The following GAMT variants were observed in gnomAD, a reference collection of about 807,000 sequenced individuals.
The protein encoded by GAMT is guanidinoacetate N-methyltransferase.
Under a neutral mutation model 26.9 loss-of-function variants are expected in GAMT, and 26 were observed. The ratio of observed to expected loss-of-function variants is 0.97; its 90% CI spans 0.71 to 1.34. GAMT has a LOEUF of 1.34. Ranked by LOEUF, GAMT falls within the 40% of genes most tolerant of loss-of-function variation. The pLI is 0.00. For synonymous variants in GAMT, 169 were observed against 149.6 expected (o/e 1.13, Z -0.95); for missense variants, 412 against 345.0 (o/e 1.19, Z -1.54).
At chr19:1,398,543 C>T in intron 5 of GAMT, 1 of 610,606 alleles carries the variant, frequency 1.6e-6, no homozygotes, top group Admixed American at 3.0e-5. Flanking sequence ...CCAAGCAATC[C>T]TCCTACCTCA....
rs2144641138 is a variant in GAMT at position 1,401,362 on chromosome 19, T to G, written c.115A>C (p.Lys39Gln). 2 of 1,525,954 alleles carry G rather than the reference T, an allele frequency of 1.3e-6. No homozygotes were observed. Among genetic ancestry groups the G allele is most frequent in the Non-Finnish European group, 1.7e-6 (2 of 1,145,510 alleles). 94.5% of individuals were successfully genotyped at this position (1,525,954 alleles called of 1,614,324 possible). A position where few individuals can be genotyped will look rare whatever the true frequency, so the allele number is the denominator to read the frequency against. Residue 39 changes from lysine (K) to glutamine (Q), a missense_variant, in exon 1 of 6, where the codon AAG (lysine) becomes CAG (glutamine). Transcript: ENST00000252288. Reference protein sequence around the residue: ...AADTHLRILGKPVMERWETPY... With the variant: ...AADTHLRILGQPVMERWETPY... Reference sequence around the variant, plus strand: ...GTCTCCCAGCGCTCCATCACCGGCTTGCCCAGGATGCGCAGGTGCGTGTCC... The same window carrying G: ...GTCTCCCAGCGCTCCATCACCGGCTGGCCCAGGATGCGCAGGTGCGTGTCC...
At chr19:1,398,866 C>G in intron 5 of GAMT, 50 bp downstream of exon 5, 2 of 1,607,204 alleles carry the variant, frequency 1.2e-6, no homozygotes, top group South Asian at 1.1e-5. Flanking sequence ...TTCCCACCCC[C>G]ATCCAAGGTC....
chr19:1,399,910 G>A lies in GAMT; in HGVS notation c.210C>T (p.Gly70=). The part of the protein sequence containing the change: ...KGGRVLEVGF[G]MAIAASKVQE... ...GCACCTTTGACGCTGCGATGGCCAT[G>A]CCAAAGCCCACCTCCAGGACCCGGC... Residue 70 remains glycine, a synonymous_variant, in exon 2 of 6, where the codon GGC becomes GGT. Transcript: ENST00000252288. The surrounding 1 kb of genome is among the most constrained non-coding windows in gnomAD (Gnocchi z 6.2). 1 of 1,608,624 alleles carries A rather than the reference G, an allele frequency of 6.2e-7. No individual in the cohort carries two copies. The highest frequency in any genetic ancestry group is 8.5e-7 in the Non-Finnish European group (1 of 1,178,372).
chr19:1,397,485 G>A lies in GAMT; in HGVS notation c.585C>T (p.Pro195=), dbSNP rs371024035. The A allele has an allele frequency of 1.2e-5, 19 of 1,605,126 alleles. No homozygotes were observed. The highest frequency in any genetic ancestry group is 6.7e-5 in the African/African-American group (5 of 74,928). Residue 195 remains proline (P), a synonymous_variant, in exon 6 of 6, where the codon CCC becomes CCT. Coordinates refer to ENST00000252288, the MANE Select transcript of GAMT (RefSeq NM_000156.6). The part of the protein sequence containing the change: ...ITIMFEETQV[P]ALLEAGFRRE... The stretch of plus-strand genomic sequence containing the variant: ...TCCGGAAGCCGGCCTCCAGCAGCGC[G>A]GGCACCTGCGTCTCCTGGTCGGGGA...
rs112975707 is a variant in GAMT, at chr19:1,400,111, C to T, written c.182-173G>A. On this transcript the variant is annotated intron_variant, in intron 1 of 5. Transcript: ENST00000252288. ...TGCAGAGCAGGGCTGGAGAGGCTGC[C>T]TGGAGGAGGGGGTGTGGGGCAATGC... Among the ~76,000 whole-genome samples the T allele has an allele frequency of 0.045, 4,194 of 93,762 alleles. 267 individuals carry two copies. The highest frequency in any genetic ancestry group is 0.16 in the African/African-American group (3,921 of 24,372). 61.5% of individuals were successfully genotyped at this position (93,762 alleles called of 152,430 possible).
Position 1,401,520 on chromosome 19 carries a change from G to T in GAMT, c.-44C>A, listed in dbSNP as rs545640420. On this transcript the variant is annotated 5_prime_UTR_variant, in exon 1 of 6. Transcript: ENST00000252288. ...ACCCGACCTCGATCGCGCGCCGCCC[G>T]GGCCCGCTCCCTGCAGGGGCTTGTG... 5 of 1,267,962 alleles carry T rather than the reference G, an allele frequency of 3.9e-6. No individual in the cohort carries two copies. In the African/African-American group the frequency reaches 6.3e-5, roughly 16 times the overall value. The allele number at this position is 1,267,962 out of a possible 1,614,324, so 78.5% of individuals were successfully genotyped here. A position where few individuals can be genotyped will look rare whatever the true frequency, so the allele number is the denominator to read the frequency against.
In GAMT at chr19:1,399,902, A is replaced by G. The variant is rs2082623820; in HGVS notation, c.218T>C (p.Ile73Thr). 1 of 1,609,026 alleles carries G rather than the reference A, an allele frequency of 6.2e-7. No individual in the cohort carries two copies. The highest frequency in any genetic ancestry group is 8.5e-7 in the Non-Finnish European group (1 of 1,178,552). ...CGCCTCCTGCACCTTTGACGCTGCG[A>G]TGGCCATGCCAAAGCCCACCTCCAG... ...RVLEVGFGMAIAASKVQEAPI... is the reference protein window; with the variant it reads ...RVLEVGFGMATAASKVQEAPI... Residue 73 changes from isoleucine to threonine, a missense_variant, in exon 2 of 6, where the codon ATC (isoleucine) becomes ACC (threonine). Physicochemically the swap from Ile to Thr is moderately conservative, Grantham distance 89. Transcript: ENST00000252288. The surrounding 1 kb of genome is among the most constrained non-coding windows in gnomAD (Gnocchi z 6.2).
Position 1,397,490 on chromosome 19 carries a change from C to T in GAMT, c.580G>A (p.Val194Met), listed in dbSNP as rs2082607450. 1 of 1,604,162 alleles carries T rather than the reference C, an allele frequency of 6.2e-7. No individual in the cohort carries two copies. Among genetic ancestry groups the T allele is most frequent in the Non-Finnish European group, 8.5e-7 (1 of 1,179,830 alleles). Reference protein sequence around the residue: ...DITIMFEETQVPALLEAGFRR... With the variant: ...DITIMFEETQMPALLEAGFRR... ...AAGCCGGCCTCCAGCAGCGCGGGCACCTGCGTCTCCTGGTCGGGGATGGCA... is the reference window on the plus strand; with the variant it reads ...AAGCCGGCCTCCAGCAGCGCGGGCATCTGCGTCTCCTGGTCGGGGATGGCA... The change falls in exon 6 of 6, where the codon GTG becomes ATG. Residue 194 changes from valine to methionine, a missense_variant. Val to Met is a conservative substitution (Grantham distance 21, BLOSUM62 1). Transcript: ENST00000252288.
At chr19:1,397,780 G>A in intron 5 of GAMT, 1 of 1,343,386 alleles carries the variant, frequency 7.4e-7, no homozygotes, top group Admixed American at 3.2e-5. Flanking sequence ...TGCCAGTGTG[G>A]CGGGTGGAGC....
Position 1,399,058 on chromosome 19 carries a change from G to A in GAMT, c.460-32C>T, listed in dbSNP as rs746438892. ...AAGGGGAGTGGCCAGTGGTCAGGAC[G>A]GAGGTGGGGGTGTGGGCAGAGGGGC... On this transcript the variant is annotated intron_variant, in intron 4 of 5. Transcript: ENST00000252288. The surrounding 1 kb of genome is among the most constrained non-coding windows in gnomAD (Gnocchi z 6.2). 1.5e-5 allele frequency: 25 copies of A among 1,613,192 alleles called. No homozygotes were observed. Among genetic ancestry groups the A allele is most frequent in the Middle Eastern group, 1.6e-4 (1 of 6,084 alleles).
intron 1 of GAMT, among the ~76,000 whole-genome samples, chr19:1,400,257 C>G (rs1403524767): frequency 9.8e-6 from 1 of 102,400 alleles, no homozygotes; most frequent in East Asian, 3.0e-4. Flanking sequence ...GGGGAGGCTT[C>G]CTGGAGGAGG....
chr19:1,401,418 C>CA lies in GAMT; in HGVS notation c.58dup (p.Trp20LeufsTer65). 1 of 1,448,746 alleles carries CA rather than the reference C, an allele frequency of 6.9e-7. No individual in the cohort carries two copies. Among genetic ancestry groups the CA allele is most frequent in the Non-Finnish European group, 9.1e-7 (1 of 1,102,796 alleles). 89.7% of individuals were successfully genotyped at this position (1,448,746 alleles called of 1,614,324 possible). A position where few individuals can be genotyped will look rare whatever the true frequency, so the allele number is the denominator to read the frequency against. On this transcript the variant is annotated frameshift_variant, in exon 1 of 6. Transcript: ENST00000252288. LOFTEE classifies it high-confidence loss of function. ...GTCGTAGGCCGCGGGCGCCGCCCCCCACGCGGGGCTGCAGTTCTCGCCGGG... is the reference window on the plus strand; with the variant it reads ...GTCGTAGGCCGCGGGCGCCGCCCCCCAACGCGGGGCTGCAGTTCTCGCCGGG...
chr19:1,401,346 C>G lies in GAMT; in HGVS notation c.131G>C (p.Arg44Pro), dbSNP rs200339910. ...CGCGTGCATATAGGGGGTCTCCCAG[C>G]GCTCCATCACCGGCTTGCCCAGGAT... ...LRILGKPVME[R>P]WETPYMHALA... is the part of the protein sequence containing the mutation. The change falls in exon 1 of 6, where the codon CGC becomes CCC. Residue 44 changes from arginine to proline, a missense_variant. Arg to Pro is a moderately radical substitution (Grantham distance 103, BLOSUM62 -2). Coordinates refer to ENST00000252288, the MANE Select transcript of GAMT (RefSeq NM_000156.6). The G allele has an allele frequency of 6.5e-7, 1 of 1,536,906 alleles. No homozygotes were observed. The highest frequency in any genetic ancestry group is 8.7e-7 in the Non-Finnish European group (1 of 1,150,688).
chr19:1,400,002 G>A (rs1600159482), intron 1 of GAMT, 64 bp from the exon 2 acceptor site: 2 of 1,553,550 alleles, frequency 1.3e-6, no homozygotes, highest in African/African-American at 1.4e-5. Context: ...GCCTGGAGGA[G>A]GGGCACAGGG....
chr19:1,401,226 C>A, intron 1 of GAMT, 70 bp downstream of exon 1: 1 of 1,247,320 alleles, frequency 8.0e-7, no homozygotes, highest in Non-Finnish European at 1.0e-6. Flanking sequence ...GCAGAGTCCC[C>A]GGGTCGGGGC....
rs796052530 is a variant in GAMT at position 1,401,409 on chromosome 19, G to C, written c.68C>G (p.Ala23Gly). ...GTCCGCTGCGTCGTAGGCCGCGGGCGCCGCCCCCCACGCGGGGCTGCAGTT... is the reference window on the plus strand; with the variant it reads ...GTCCGCTGCGTCGTAGGCCGCGGGCCCCGCCCCCCACGCGGGGCTGCAGTT... ...GENCSPAWGA[A>G]PAAYDAADTH... Residue 23 changes from alanine (A) to glycine (G), a missense_variant, in exon 1 of 6, where the codon GCG becomes GGG. By Grantham distance (60) the Ala-to-Gly change is moderately conservative (BLOSUM62 0). Coordinates refer to ENST00000252288, the MANE Select transcript of GAMT (RefSeq NM_000156.6). 2 of 1,453,024 alleles carry C rather than the reference G, an allele frequency of 1.4e-6. No individual in the cohort carries two copies. The highest frequency in any genetic ancestry group is 1.8e-6 in the Non-Finnish European group (2 of 1,105,358). The allele number at this position is 1,453,024 out of a possible 1,614,324, so 90.0% of individuals were successfully genotyped here.
rs1600158346 is a variant in GAMT, at chr19:1,398,981, A to G, written c.505T>C (p.Cys169Arg). 2.5e-6 allele frequency: 4 copies of G among 1,613,458 alleles called. No individual in the cohort carries two copies. The highest frequency in any genetic ancestry group is 2.5e-6 in the Non-Finnish European group (3 of 1,180,014). The change falls in exon 5 of 6, where the codon TGC becomes CGC. Residue 169 changes from cysteine to arginine, a missense_variant. Coordinates refer to ENST00000252288, the MANE Select transcript of GAMT (RefSeq NM_000156.6). Reference sequence around the variant, plus strand: ...AGCTCCCCCCAGGAGGTGAGGTTGCAGTAGGTGAGGACGCCCCCCGGCTTC... The same window carrying G: ...AGCTCCCCCCAGGAGGTGAGGTTGCGGTAGGTGAGGACGCCCCCCGGCTTC... ...LLKPGGVLTY[C>R]NLTSWGELMK...
rs770557016 is a variant in GAMT, at chr19:1,399,239, C to T, written c.392-44G>A. On this transcript the variant is annotated intron_variant, in intron 3 of 5. Coordinates refer to ENST00000252288, the MANE Select transcript of GAMT (RefSeq NM_000156.6). The surrounding 1 kb of genome is among the most constrained non-coding windows in gnomAD (Gnocchi z 6.2). ...CCCACGCGGTCAGGGCCGGGCTCAG[C>T]GCCTCACCCAGCCTCACCCGGCTCA... 17 of 1,601,274 alleles carry T rather than the reference C, an allele frequency of 1.1e-5. No individual in the cohort carries two copies. The highest frequency in any genetic ancestry group is 5.0e-5 in the Admixed American group (3 of 59,990).
chr19:1,398,719 T>C (rs760856719), intron 5 of GAMT, 197 bp downstream of exon 5: 64 of 1,540,086 alleles, frequency 4.2e-5, no homozygotes, highest in Non-Finnish European at 4.2e-5. Context: ...GCTGGGATTA[T>C]AGACCTGAGC....
Sources: allele counts gnomAD v4.1 joint callset (sites outside exome capture counted in the v4.1 genomes callset), GRCh38; gene constraint gnomAD v4.1.1; non-coding constraint Gnocchi (gnomAD v3.1); transcripts MANE v1.5; gene names NCBI Gene and HGNC (gene_info 2026-07-23, HGNC 2026-07-21).